Variants in DGKB observed in about 807,000 individuals in gnomAD.
DGKB encodes the protein 90 kDa diacylglycerol kinase.
Under a neutral mutation model 114.3 loss-of-function variants are expected in DGKB, and 67 were observed. That is an observed-to-expected ratio of 0.59 (90% CI 0.48 to 0.72). DGKB has a LOEUF of 0.72. DGKB is among the 30% of genes least tolerant of loss of function. The pLI is 0.00. For missense variants in DGKB, 907 were observed against 975.2 expected (o/e 0.93, Z 0.93); for synonymous variants, 398 against 323.1 (o/e 1.23, Z -2.49).
At chr7:14,845,849 A>C (rs1415278228) in intron 1 of DGKB, among the ~76,000 whole-genome samples, 7 of 151,288 alleles carry the variant, frequency 4.6e-5, no homozygotes, top group Non-Finnish European at 4.4e-5. Context: ...AAAGAAGTGC[A>C]CTTTCAGGTA....
At chr7:14,606,157 C>G (rs916445156) in intron 17 of DGKB, among the ~76,000 whole-genome samples, 1 of 152,056 alleles carries the variant, frequency 6.6e-6, no homozygotes, top group Non-Finnish European at 1.5e-5. Context: ...AGAAAAAGAG[C>G]CATCCTGACT....
At chr7:14,633,927 C>A (rs1407476644) in intron 13 of DGKB, among the ~76,000 whole-genome samples, 1 of 151,498 alleles carries the variant, frequency 6.6e-6, no homozygotes, top group East Asian at 1.9e-4. Flanking sequence ...ATTAGGATAT[C>A]TCTTGTCTTC....
intron 23 of DGKB, among the ~76,000 whole-genome samples, chr7:14,297,472 G>A (rs1396475279): frequency 6.6e-6 from 1 of 152,146 alleles, no homozygotes; most frequent in Non-Finnish European, 1.5e-5. Flanking sequence ...TATCTCAATA[G>A]ATGCAGAAAA....
At chr7:14,905,099 C>T (rs1783618617), upstream of DGKB, among the ~76,000 whole-genome samples, 1 of 152,028 alleles carries the variant, frequency 6.6e-6, no homozygotes, top group South Asian at 2.1e-4. Flanking sequence ...AGAGCACTAA[C>T]ACTCTAAACA....
chr7:14,758,850 G>T (rs1440974133), intron 2 of DGKB, among the ~76,000 whole-genome samples: 1 of 151,730 alleles, frequency 6.6e-6, no homozygotes, highest in African/African-American at 2.4e-5. Context: ...TCTTTATATT[G>T]TAAATTCTGT....
intron 1 of DGKB, among the ~76,000 whole-genome samples, chr7:14,908,848 C>T (rs1783842961): frequency 6.6e-6 from 1 of 151,966 alleles, no homozygotes; most frequent in African/African-American, 2.4e-5. Context: ...TAACAAAGCA[C>T]TTTGTTGAAA....
chr7:14,648,365 G>A (rs1397789024), intron 13 of DGKB, among the ~76,000 whole-genome samples: 1 of 152,122 alleles, frequency 6.6e-6, no homozygotes, highest in African/African-American at 2.4e-5. Context: ...TAACTGGGAG[G>A]CACCCCCCAG....
At chr7:14,398,804 A>AC (rs201911479) in intron 21 of DGKB, among the ~76,000 whole-genome samples, 1 of 150,954 alleles carries the variant, frequency 6.6e-6, no homozygotes, top group Non-Finnish European at 1.5e-5. Flanking sequence ...AAAAAAAAAA[A>AC]GTTGCAGAAA....
intron 25 of DGKB, among the ~76,000 whole-genome samples, chr7:14,162,943 G>A (rs944695671): frequency 1.3e-5 from 2 of 152,102 alleles, no homozygotes; most frequent in East Asian, 3.8e-4. Context: ...ACATTATGGT[G>A]TCATCATAAT....
intron 20 of DGKB, among the ~76,000 whole-genome samples, chr7:14,494,881 T>C (rs772751113): frequency 6.6e-6 from 1 of 151,888 alleles, no homozygotes; most frequent in Non-Finnish European, 1.5e-5. Context: ...TACTAATATA[T>C]ACAATCCACG....
intron 1 of DGKB, among the ~76,000 whole-genome samples, chr7:14,915,984 A>G (rs1396886621): frequency 6.6e-6 from 1 of 152,154 alleles, no homozygotes; most frequent in Non-Finnish European, 1.5e-5. Flanking sequence ...ATTCAACATA[A>G]TAAGAATAAT....
intron 21 of DGKB, among the ~76,000 whole-genome samples, chr7:14,459,128 C>A (rs554656631): frequency 6.6e-6 from 1 of 152,158 alleles, no homozygotes; most frequent in African/African-American, 2.4e-5. Flanking sequence ...TTGGCAAAGC[C>A]GCTGTAGCCA....
Position 14,583,040 on chromosome 7 carries a change from T to C in DGKB, c.1519+12A>G. 6.4e-7 allele frequency: 1 copy of C among 1,563,508 alleles called. No individual in the cohort carries two copies. Among genetic ancestry groups the C allele is most frequent in the South Asian group, 1.1e-5 (1 of 89,954 alleles). On this transcript the variant is annotated intron_variant, in intron 18 of 25. Coordinates refer to ENST00000402815, the MANE Select transcript of DGKB (RefSeq NM_001350709.2). ...TCTCTCCCCAGCCATATTAAGTATG[T>C]GTCTGCATTACCTATGCAATCCAAA...
At chr7:14,546,631 C>T (rs951754881) in intron 20 of DGKB, among the ~76,000 whole-genome samples, 10 of 152,158 alleles carry the variant, frequency 6.6e-5, no homozygotes, top group Non-Finnish European at 1.5e-4. Context: ...CAGCAAATTT[C>T]CACTAGGTCG....
chr7:14,405,491 C>A (rs1267878619), intron 21 of DGKB, among the ~76,000 whole-genome samples: 1 of 151,964 alleles, frequency 6.6e-6, no homozygotes, highest in Non-Finnish European at 1.5e-5. Context: ...AGATAGGCTT[C>A]TTAAAGGATA....
intron 1 of DGKB, among the ~76,000 whole-genome samples, chr7:14,882,824 T>TTTATA (rs748603557): frequency 1.3e-5 from 2 of 152,050 alleles, no homozygotes; most frequent in African/African-American, 2.4e-5. Flanking sequence ...CCACATTTTC[T>TTTATA]TTATCTTATC....
Position 14,147,817 on chromosome 7 carries a change from G to T in DGKB, c.*1314C>A, listed in dbSNP as rs936565242. On this transcript the variant is annotated 3_prime_UTR_variant, in exon 26 of 26. Coordinates refer to ENST00000402815, the MANE Select transcript of DGKB (RefSeq NM_001350709.2). ...GGCTTAATGAAACACTAAAAGAAAA[G>T]TACTGTTCTGTGATTTCTTTAAACA... is the stretch of plus-strand genomic sequence containing the variant. 6.6e-6 allele frequency: 1 copy of T among 152,466 alleles called. No homozygotes were observed. The highest frequency in any genetic ancestry group is 1.5e-5 in the Non-Finnish European group (1 of 67,970). The allele number at this position is 152,466 out of a possible 1,614,324, so 9.4% of individuals were successfully genotyped here.
intron 20 of DGKB, among the ~76,000 whole-genome samples, chr7:14,541,750 GA>G (rs1250885701): frequency 6.6e-6 from 1 of 152,162 alleles, no homozygotes; most frequent in East Asian, 1.9e-4. Flanking sequence ...TTTTACTGCT[GA>G]AACCCTTTCT....
At chr7:14,420,653 G>C (rs1424925835) in intron 21 of DGKB, among the ~76,000 whole-genome samples, 1 of 151,928 alleles carries the variant, frequency 6.6e-6, no homozygotes, top group Non-Finnish European at 1.5e-5. Context: ...CAGTTTCTTT[G>C]GAAATTATTA....
Sources: allele counts gnomAD v4.1 joint callset (sites outside exome capture counted in the v4.1 genomes callset), GRCh38; gene constraint gnomAD v4.1.1; transcripts MANE v1.5; gene names NCBI Gene and HGNC (gene_info 2026-07-23, HGNC 2026-07-21).